ZNF573: variants seen among roughly 807,000 people sequenced by gnomAD.
The protein encoded by ZNF573 is zinc finger protein 573.
A neutral mutation model predicts 57.4 loss-of-function variants in ZNF573; 41 were observed. The observed-to-expected ratio is 0.71, with a 90% CI of 0.56 to 0.93. ZNF573 has a LOEUF of 0.93. ZNF573 is among the 40% of genes least tolerant of loss of function. ZNF573 has a pLI of 0.00. For missense variants in ZNF573, 730 were observed against 794.8 expected, an observed-to-expected ratio of 0.92 and a Z score of 0.98; for synonymous variants, 249 against 261.0, an observed-to-expected ratio of 0.95 and a Z score of 0.44.
At chr19:37,779,359 G>A (rs538549856) in intron 1 of ZNF573, among the ~76,000 whole-genome samples, 185 bp downstream of exon 1, 1 of 152,230 alleles carries the variant, frequency 6.6e-6, no homozygotes, top group African/African-American at 2.4e-5. Context: ...CTCCTCTGCT[G>A]TTCATGCACC....
Position 37,738,891 on chromosome 19 carries a change from T to A in ZNF573, c.1599A>T (p.Lys533Asn), listed in dbSNP as rs543224868. ...TAAGATTTCTATAGAAAGTAAAGGT[T>A]TTTCTACATACCTTACATTCATAGG... ...MKPYECKVCR[K>N]TFTFYRNLTL... is the part of the protein sequence containing the mutation. The change falls in exon 5 of 5, where the codon AAA (lysine) becomes AAT (asparagine). Residue 533 changes from lysine (K) to asparagine (N), a missense_variant. Transcript: ENST00000536220. 2 of 1,608,746 alleles carry A rather than the reference T, an allele frequency of 1.2e-6. No homozygotes were observed. The highest frequency in any genetic ancestry group is 2.2e-5 in the South Asian group (2 of 90,272).
rs767636394 is a variant in ZNF573, at chr19:37,739,031, G to A, written c.1459C>T (p.Gln487Ter). ...TCACCAGTATGAGTTTTCCGATGTTGAATAAGGTTTGAGCCAGTACTATAG... is the reference window on the plus strand; with the variant it reads ...TCACCAGTATGAGTTTTCCGATGTTAAATAAGGTTTGAGCCAGTACTATAG... ...KAYSTGSNLI[Q>*]HRKTHTGEKP... is the part of the protein sequence containing the mutation. The change falls in exon 5 of 5, where the codon CAA becomes TAA. Residue 487 changes from glutamine to a stop codon, truncating the protein, a stop_gained. Transcript: ENST00000536220. LOFTEE classifies it high-confidence loss of function. 4.3e-6 allele frequency: 7 copies of A among 1,613,070 alleles called. No individual in the cohort carries two copies. In the Admixed American group the frequency reaches 5.0e-5, roughly 12 times the overall value.
chr19:37,743,262 G>A (rs1297346105), intron 4 of ZNF573, among the ~76,000 whole-genome samples: 2 of 146,834 alleles, frequency 1.4e-5, no homozygotes, highest in Admixed American at 1.4e-4. Flanking sequence ...AGAGGTTGCA[G>A]TGAGCCGAGA....
In ZNF573 at chr19:37,741,194, A is replaced by C. The variant is rs2045323925; in HGVS notation, c.296-1000T>G. ...TCAGAGTAAATGTTCTTTCTTTAGA[A>C]AGGCAGTACCTGCTAACTCTGTCTG... On this transcript the variant is annotated intron_variant, in intron 4 of 4. Transcript: ENST00000536220. Among the ~76,000 whole-genome samples the C allele has an allele frequency of 1.3e-5, 2 of 152,194 alleles. 1 individual carries two copies. Among genetic ancestry groups the C allele is most frequent in the South Asian group, 4.1e-4 (2 of 4,830 alleles).
intron 4 of ZNF573, among the ~76,000 whole-genome samples, chr19:37,750,743 T>C (rs990315609): frequency 2.0e-5 from 3 of 151,574 alleles, no homozygotes; most frequent in Non-Finnish European, 4.4e-5. Context: ...TCCCAGCACT[T>C]TGGGACTCTG....
At chr19:37,757,051 G>A (rs1238444000) in intron 4 of ZNF573, among the ~76,000 whole-genome samples, 1 of 151,716 alleles carries the variant, frequency 6.6e-6, no homozygotes, top group Non-Finnish European at 1.5e-5. Flanking sequence ...ATCTCAAGCA[G>A]AAGGATGACC....
At position 37,738,886 on chromosome 19, in the gene ZNF573, A is replaced by G. The variant is rs758836604; in HGVS notation, c.1604T>C (p.Phe535Ser). 1.6e-5 allele frequency: 26 copies of G among 1,608,232 alleles called. No individual in the cohort carries two copies. Among genetic ancestry groups the G allele is most frequent in the Non-Finnish European group, 2.0e-5 (24 of 1,177,162 alleles). ...PYECKVCRKT[F>S]TFYRNLTLHQ... ...TAGAGTAAGATTTCTATAGAAAGTAAAGGTTTTTCTACATACCTTACATTC... is the reference window on the plus strand; with the variant it reads ...TAGAGTAAGATTTCTATAGAAAGTAGAGGTTTTTCTACATACCTTACATTC... The change falls in exon 5 of 5, where the codon TTT becomes TCT. Residue 535 changes from phenylalanine to serine, a missense_variant. By Grantham distance (155) the Phe-to-Ser change is radical (BLOSUM62 -2). Coordinates refer to ENST00000536220, the MANE Select transcript of ZNF573 (RefSeq NM_001172690.2).
chr19:37,767,513 G>A (rs969272783), intron 4 of ZNF573, among the ~76,000 whole-genome samples: 8 of 152,126 alleles, frequency 5.3e-5, no homozygotes, highest in East Asian at 1.9e-4. Context: ...GATTACAGGC[G>A]TGAGCCACCA....
At chr19:37,765,629 G>A (rs190710127) in intron 4 of ZNF573, among the ~76,000 whole-genome samples, 1 of 152,270 alleles carries the variant, frequency 6.6e-6, no homozygotes, top group African/African-American at 2.4e-5. Context: ...AGAATCGCTT[G>A]AACCTGGGAG....
intron 4 of ZNF573, among the ~76,000 whole-genome samples, chr19:37,764,330 T>G (rs137892460): frequency 0.037 from 5,550 of 151,254 alleles, 132 homozygotes; most frequent in Non-Finnish European, 0.051. Context: ...TTTTGTTGTT[T>G]TTTTTTCTTA....
intron 4 of ZNF573, among the ~76,000 whole-genome samples, chr19:37,749,091 C>A (rs1285453990): frequency 6.6e-6 from 1 of 151,686 alleles, no homozygotes; most frequent in Non-Finnish European, 1.5e-5. Context: ...AATATTGTGA[C>A]TTTGAAGGAG....
chr19:37,778,273 T>C (rs900121285), intron 1 of ZNF573, among the ~76,000 whole-genome samples: 4 of 149,994 alleles, frequency 2.7e-5, no homozygotes, highest in Non-Finnish European at 5.9e-5. Context: ...CCCAGCACTT[T>C]GGGAGGCCGA....
At position 37,739,975 on chromosome 19, in the gene ZNF573, C is replaced by T. The variant is rs184615976; in HGVS notation, c.515G>A (p.Arg172His). 37 of 1,614,144 alleles carry T rather than the reference C, an allele frequency of 2.3e-5. No homozygotes were observed. Among genetic ancestry groups the T allele is most frequent in the South Asian group, 7.7e-5 (7 of 91,086 alleles). ...ATGTAGAGTAAGTTGATAGCCACTA[C>T]GAAAGTTCTTCCCACACTCTTTGCA... ...YECKECGKNF[R>H]SGYQLTLHQR... is the part of the protein sequence containing the mutation. The change falls in exon 5 of 5, where the codon CGT (arginine) becomes CAT (histidine). Residue 172 changes from arginine to histidine, a missense_variant. Transcript: ENST00000536220.
intron 4 of ZNF573, among the ~76,000 whole-genome samples, chr19:37,761,599 C>A (rs1047561814): frequency 1.3e-5 from 2 of 152,162 alleles, no homozygotes; most frequent in African/African-American, 4.8e-5. Flanking sequence ...GACTGTTGGT[C>A]ATAAGACCCC....
Position 37,770,006 on chromosome 19 carries a change from T to C in ZNF573, c.294A>G (p.Thr98=). Residue 98 remains threonine (T), a splice_region_variant and synonymous_variant, in exon 4 of 5, where the codon ACA becomes ACG. Coordinates refer to ENST00000536220, the MANE Select transcript of ZNF573 (RefSeq NM_001172690.2). ...WMILREETQF[T]DLDLQCEIIS... Reference sequence around the variant, plus strand: ...GATGGTGTCCCCTGCCTTCCTTACCTGTGAACTGTGTTTCTTCCCTCAAAA... The same window carrying C: ...GATGGTGTCCCCTGCCTTCCTTACCCGTGAACTGTGTTTCTTCCCTCAAAA... 6.4e-7 allele frequency: 1 copy of C among 1,551,528 alleles called. No homozygotes were observed.
At chr19:37,762,919 G>A (rs1001439687) in intron 4 of ZNF573, among the ~76,000 whole-genome samples, 1 of 152,036 alleles carries the variant, frequency 6.6e-6, no homozygotes, top group Middle Eastern at 3.4e-3. Flanking sequence ...TTACAGGCAT[G>A]CACCACCACA....
intron 4 of ZNF573, among the ~76,000 whole-genome samples, 198 bp downstream of exon 4, chr19:37,769,807 A>C (rs2045638322): frequency 6.6e-6 from 1 of 152,048 alleles, no homozygotes. Context: ...AAAAGAAATA[A>C]GGTGATTGGT....
Position 37,738,541 on chromosome 19 carries a change from C to A in ZNF573, c.1949G>T (p.Gly650Val). The A allele has an allele frequency of 1.9e-6, 3 of 1,570,072 alleles. No individual in the cohort carries two copies. Among genetic ancestry groups the A allele is most frequent in the Non-Finnish European group, 2.6e-6 (3 of 1,162,712 alleles). ...TCTCTGATGGGCTTTAAGGGCTGAA[C>A]CATATCTGAAGGTTTTCCCACACTG... is the stretch of plus-strand genomic sequence containing the variant. Reference protein sequence around the residue: ...CKQCGKTFRYGSALKAHQRIH... With the variant: ...CKQCGKTFRYVSALKAHQRIH... The change falls in exon 5 of 5, where the codon GGT (glycine) becomes GTT (valine). Residue 650 changes from glycine to valine, a missense_variant. Gly to Val is a moderately radical substitution (Grantham distance 109, BLOSUM62 -3). Coordinates refer to ENST00000536220, the MANE Select transcript of ZNF573 (RefSeq NM_001172690.2).
chr19:37,751,707 A>G (rs2045436860), intron 4 of ZNF573, among the ~76,000 whole-genome samples: 1 of 143,958 alleles, frequency 6.9e-6, no homozygotes, highest in African/African-American at 2.5e-5. Context: ...TATACTGTAT[A>G]TAGTACATAG....
Sources: gnomAD v4.1 joint callset for allele counts (sites outside exome capture counted in the v4.1 genomes callset) on GRCh38, gnomAD v4.1.1 for gene constraint, MANE v1.5 for transcripts, NCBI Gene and HGNC (gene_info 2026-07-23, HGNC 2026-07-21) for gene names.